WDPCP: variants seen among roughly 807,000 people sequenced by gnomAD.
WDPCP encodes WD repeat-containing and planar cell polarity effector protein fritz homolog.
WDPCP carries 71 observed loss-of-function variants against 93.1 expected under a neutral mutation model. The observed-to-expected ratio is 0.76, with a 90% confidence interval of 0.63 to 0.93. WDPCP has a LOEUF of 0.93. Ranked by LOEUF, WDPCP falls within the 40% of genes least tolerant of loss-of-function variation. The pLI, the probability that WDPCP is intolerant of heterozygous loss-of-function variation, is 0.00. For synonymous variants in WDPCP, 315 were observed against 315.0 expected (o/e 1.00, Z 0.00); for missense variants, 844 against 887.4 (o/e 0.95, Z 0.62).
intron 3 of WDPCP, among the ~76,000 whole-genome samples, chr2:63,644,714 A>AT (rs1010537448): frequency 1.3e-5 from 2 of 151,638 alleles, no homozygotes; most frequent in African/African-American, 4.9e-5. Context: ...TGGGTTTTGG[A>AT]TTTTTTCATG....
intron 3 of WDPCP, among the ~76,000 whole-genome samples, chr2:63,638,176 G>T (rs1336749950): frequency 6.6e-6 from 1 of 152,016 alleles, no homozygotes; most frequent in Non-Finnish European, 1.5e-5. Flanking sequence ...GTGGGCAAAG[G>T]GTGCAAACCT....
chr2:63,352,252 G>C (rs1425716136), intron 12 of WDPCP, among the ~76,000 whole-genome samples: 1 of 152,034 alleles, frequency 6.6e-6, no homozygotes, highest in Non-Finnish European at 1.5e-5. Flanking sequence ...TTCTTTTGCT[G>C]TGCAGAAGCT....
At chr2:63,450,394 C>T (rs1698157274) in intron 6 of WDPCP, among the ~76,000 whole-genome samples, 1 of 152,152 alleles carries the variant, frequency 6.6e-6, no homozygotes, top group Admixed American at 6.5e-5. Flanking sequence ...TATGCACCAC[C>T]CAGGACCGAA....
chr2:63,272,841 T>C (rs947437664), intron 13 of WDPCP, among the ~76,000 whole-genome samples: 24 of 152,262 alleles, frequency 1.6e-4, no homozygotes, highest in African/African-American at 5.8e-4. Flanking sequence ...CTTAACAAAA[T>C]AATAGCTGAA....
chr2:63,605,308 T>C, intron 3 of WDPCP: 2 of 1,614,142 alleles, frequency 1.2e-6, no homozygotes, highest in East Asian at 2.2e-5. Flanking sequence ...GCTGCTGTCA[T>C]CAAGGCTCGA....
intron 6 of WDPCP, among the ~76,000 whole-genome samples, chr2:63,448,077 G>A (rs1463259651): frequency 2.0e-5 from 3 of 151,980 alleles, no homozygotes; most frequent in Non-Finnish European, 4.4e-5. Flanking sequence ...GTATGAGATC[G>A]CACTTTTTAA....
At chr2:63,140,770 T>C (rs1489408084) in intron 17 of WDPCP, among the ~76,000 whole-genome samples, 3 of 152,182 alleles carry the variant, frequency 2.0e-5, no homozygotes, top group Non-Finnish European at 4.4e-5. Flanking sequence ...AGTGACAGTT[T>C]GACTTCCTGT....
intron 14 of WDPCP, among the ~76,000 whole-genome samples, chr2:63,235,054 A>T (rs1679265570): frequency 6.6e-6 from 1 of 152,120 alleles, no homozygotes; most frequent in South Asian, 2.1e-4. Context: ...GATAAACGAA[A>T]AGTTGGTTCT....
At chr2:63,470,830 C>A (rs1395802444) in intron 6 of WDPCP, among the ~76,000 whole-genome samples, 1 of 152,176 alleles carries the variant, frequency 6.6e-6, no homozygotes, top group Non-Finnish European at 1.5e-5. Flanking sequence ...TTTCACCCCA[C>A]TCATATCAAC....
intron 2 of WDPCP, among the ~76,000 whole-genome samples, chr2:63,772,760 A>C (rs1314448600): frequency 2.0e-5 from 3 of 152,058 alleles, no homozygotes; most frequent in African/African-American, 7.2e-5. Flanking sequence ...ATAAAATAAA[A>C]CAACAGCAAC....
intron 13 of WDPCP, among the ~76,000 whole-genome samples, chr2:63,303,850 T>C (rs1213735842): frequency 6.6e-6 from 1 of 151,434 alleles, no homozygotes; most frequent in Admixed American, 6.6e-5. Context: ...AAAGAAGACA[T>C]ATAAGCAGTC....
intron 1 of WDPCP, among the ~76,000 whole-genome samples, chr2:63,581,573 A>T (rs1232356499): frequency 3.3e-5 from 5 of 152,218 alleles, no homozygotes; most frequent in Non-Finnish European, 1.5e-5. Context: ...GTAGGAAATT[A>T]TTACCCCTAG....
intron 3 of WDPCP, among the ~76,000 whole-genome samples, chr2:63,629,902 C>T (rs1241517279): frequency 1.3e-5 from 2 of 152,210 alleles, no homozygotes; most frequent in African/African-American, 2.4e-5. Flanking sequence ...TTGAAAATTA[C>T]TTGTCACACC....
At chr2:63,331,038 A>G (rs1030710586) in intron 12 of WDPCP, among the ~76,000 whole-genome samples, 1 of 151,816 alleles carries the variant, frequency 6.6e-6, no homozygotes, top group Non-Finnish European at 1.5e-5. Flanking sequence ...TAGTTTTCGT[A>G]TTTTTAGTAG....
At chr2:63,484,395 A>C (rs1180191926) in intron 6 of WDPCP, among the ~76,000 whole-genome samples, 3 of 152,002 alleles carry the variant, frequency 2.0e-5, no homozygotes, top group African/African-American at 2.4e-5. Context: ...ATGTCAGTAC[A>C]ACTATACTGG....
At chr2:63,567,026 G>T (rs957891068) in intron 1 of WDPCP, among the ~76,000 whole-genome samples, 1 of 152,192 alleles carries the variant, frequency 6.6e-6, no homozygotes, top group African/African-American at 2.4e-5. Context: ...TGGTGTGGTT[G>T]TGGGGAGAAA....
intron 2 of WDPCP, among the ~76,000 whole-genome samples, chr2:63,662,644 A>AGAGG (rs1280681280): frequency 1.6e-5 from 2 of 122,108 alleles, no homozygotes; most frequent in Non-Finnish European, 3.3e-5. Context: ...TCTTCCAGAG[A>AGAGG]GAGAGAGAGA....
intron 9 of WDPCP, among the ~76,000 whole-genome samples, chr2:63,405,532 A>AGTGTGTGTGTGTGTGTGTGTGT (rs55807956): frequency 8.0e-6 from 1 of 125,008 alleles, no homozygotes; most frequent in African/African-American, 3.1e-5. Flanking sequence ...ATTTTGGTAT[A>AGTGTGTGTGTGTGTGTGTGTGT]GTGTGTGTGT....
At chr2:63,357,944 A>G (rs897244040) in intron 12 of WDPCP, among the ~76,000 whole-genome samples, 1 of 152,210 alleles carries the variant, frequency 6.6e-6, no homozygotes, top group African/African-American at 2.4e-5. Flanking sequence ...GAACGAGGTC[A>G]TGTCTTTTGC....
Sources: allele counts gnomAD v4.1 joint callset (sites outside exome capture counted in the v4.1 genomes callset), GRCh38; gene constraint gnomAD v4.1.1; transcripts MANE v1.5; gene names NCBI Gene and HGNC (gene_info 2026-07-23, HGNC 2026-07-21).